Variants in CDC42 observed in about 807,000 individuals in gnomAD.
CDC42 encodes cell division control protein 42 homolog.
CDC42 carries 1 observed loss-of-function variant against 20.8 expected under a neutral mutation model. The observed-to-expected ratio is 0.05, with a 90% confidence interval of 0.02 to 0.23. The LOEUF (loss-of-function observed/expected upper bound fraction) is 0.23. Among genes scored for constraint, CDC42 ranks in the 10% least tolerant of loss-of-function variants. CDC42 has a pLI of 1.00. For missense variants in CDC42, 49 were observed against 227.9 expected (o/e 0.21, Z 5.05); for synonymous variants, 72 against 84.8 (o/e 0.85, Z 0.83).
chr1:22,060,134 GAGTTCA>G (rs1478019012), intron 1 of CDC42, among the ~76,000 whole-genome samples: 1 of 151,938 alleles, frequency 6.6e-6, no homozygotes, highest in East Asian at 1.9e-4. Context: ...CTGAGGGCTG[GAGTTCA>G]AGACCAACCT....
chr1:22,080,018 AT>A (rs976217748), intron 2 of CDC42, among the ~76,000 whole-genome samples: 12 of 152,190 alleles, frequency 7.9e-5, no homozygotes, highest in African/African-American at 2.9e-4. Context: ...TGAAGTTAAT[AT>A]GGAAATGGAT....
chr1:22,082,300 T>A (rs1259568886), intron 3 of CDC42, among the ~76,000 whole-genome samples: 1 of 152,248 alleles, frequency 6.6e-6, no homozygotes, highest in Non-Finnish European at 1.5e-5. Flanking sequence ...AATTTATGTG[T>A]CTAATAACAT....
chr1:22,060,187 C>G (rs990980237), intron 1 of CDC42, among the ~76,000 whole-genome samples: 1 of 151,884 alleles, frequency 6.6e-6, no homozygotes, highest in Non-Finnish European at 1.5e-5. Flanking sequence ...ACTAAAAATA[C>G]AAAAATTAGC....
chr1:22,097,759 A>G lies in CDC42; in HGVS notation c.*6242A>G, dbSNP rs1429252578. 1.3e-5 allele frequency among the ~76,000 whole-genome samples: 2 copies of G among 152,242 alleles called. No individual in the cohort carries two copies. Among genetic ancestry groups the G allele is most frequent in the East Asian group, 1.9e-4 (1 of 5,204 alleles). ...GTGAGTCTTTAAAGCCCTACGTTATAGAAAAATGTGAAGTATGTCTAATAA... is the reference window on the plus strand; with the variant it reads ...GTGAGTCTTTAAAGCCCTACGTTATGGAAAAATGTGAAGTATGTCTAATAA... On this transcript the variant is annotated 3_prime_UTR_variant, in exon 6 of 6. Transcript: ENST00000656825.
intron 2 of CDC42, among the ~76,000 whole-genome samples, chr1:22,080,687 G>A (rs565990366): frequency 6.6e-6 from 1 of 152,124 alleles, no homozygotes; most frequent in Non-Finnish European, 1.5e-5. Context: ...TCCAGAATTT[G>A]TGTTGGGTCT....
chr1:22,069,298 C>T (rs781384793), intron 1 of CDC42, among the ~76,000 whole-genome samples: 1 of 150,330 alleles, frequency 6.7e-6, no homozygotes, highest in Non-Finnish European at 1.5e-5. Flanking sequence ...GCCTCACCCT[C>T]CCAAATAGCT....
Position 22,093,502 on chromosome 1 carries a change from G to C in CDC42, c.*1985G>C, listed in dbSNP as rs1557910412. On this transcript the variant is annotated 3_prime_UTR_variant, in exon 6 of 6. Transcript: ENST00000656825. ...GCAAGAAAGGTTTATTTACCTTTAGGACATTATACTGATCTGCATGAGAAT... is the reference window on the plus strand; with the variant it reads ...GCAAGAAAGGTTTATTTACCTTTAGCACATTATACTGATCTGCATGAGAAT... Among the ~76,000 whole-genome samples, 1 of 152,088 alleles carries C rather than the reference G, an allele frequency of 6.6e-6. No homozygotes were observed. Among genetic ancestry groups the C allele is most frequent in the Non-Finnish European group, 1.5e-5 (1 of 68,004 alleles).
rs1645749627 is a variant in CDC42 at position 22,095,384 on chromosome 1, C to T, written c.*3867C>T. On this transcript the variant is annotated 3_prime_UTR_variant, in exon 6 of 6. Transcript: ENST00000656825. The stretch of plus-strand genomic sequence containing the variant: ...TCCCGGGTTCACACCATTCTCCTGC[C>T]TCAGCCTCCCGAGTAGCCAGGACTA... Among the ~76,000 whole-genome samples, 1 of 152,094 alleles carries T rather than the reference C, an allele frequency of 6.6e-6. No homozygotes were observed. The highest frequency in any genetic ancestry group is 1.5e-5 in the Non-Finnish European group (1 of 68,020).
intron 1 of CDC42, among the ~76,000 whole-genome samples, chr1:22,060,366 A>G (rs16826279): frequency 0.13 from 20,060 of 152,046 alleles, 1,416 homozygotes; most frequent in Admixed American, 0.18. Context: ...GATTATTGCA[A>G]TTCATTACTC....
intron 5 of CDC42, among the ~76,000 whole-genome samples, chr1:22,088,599 A>G (rs1400332852): frequency 6.6e-6 from 1 of 152,194 alleles, no homozygotes; most frequent in African/African-American, 2.4e-5. Flanking sequence ...GTCTTAATAT[A>G]AACAGATGGT....
chr1:22,065,523 C>T (rs1456468860), intron 1 of CDC42, among the ~76,000 whole-genome samples: 1 of 152,114 alleles, frequency 6.6e-6, no homozygotes, highest in Non-Finnish European at 1.5e-5. Context: ...GCTGTTTCTG[C>T]AGATTTTAAT....
Position 22,100,998 on chromosome 1 carries a change from G to A in CDC42, c.*9481G>A, listed in dbSNP as rs1268740283. 1.3e-5 allele frequency: 2 copies of A among 152,196 alleles called. No homozygotes were observed. Among genetic ancestry groups the A allele is most frequent in the Non-Finnish European group, 2.9e-5 (2 of 68,036 alleles). The allele number at this position is 152,196 out of a possible 1,614,324, so 9.4% of individuals were successfully genotyped here. ...GGAATTATTGGTGTTAAGGAGTTAG[G>A]TCCATCTCTTGGCAGCTTGTGAAGG... On this transcript the variant is annotated 3_prime_UTR_variant, in exon 6 of 6. Coordinates refer to ENST00000656825, the MANE Select transcript of CDC42 (RefSeq NM_001791.4).
intron 1 of CDC42, chr1:22,074,073 TTTTC>T (rs1161745053): frequency 1.3e-5 from 2 of 152,188 alleles, no homozygotes; most frequent in African/African-American, 4.8e-5. Context: ...TAGCTTTTCT[TTTTC>T]TTTCTTCTTT....
intron 1 of CDC42, among the ~76,000 whole-genome samples, chr1:22,073,410 G>A (rs1332354842): frequency 1.3e-5 from 2 of 151,804 alleles, no homozygotes; most frequent in Admixed American, 1.3e-4. Context: ...ATGGTGGTGC[G>A]TGCCTGTAAT....
chr1:22,090,162 A>AC, intron 5 of CDC42: 5 of 1,375,448 alleles, frequency 3.6e-6, no homozygotes, highest in Non-Finnish European at 4.7e-6. Flanking sequence ...CCTTAGAGCA[A>AC]CCTCTGTATT....
chr1:22,058,274 C>T (rs1012866239), intron 1 of CDC42, among the ~76,000 whole-genome samples: 43 of 152,088 alleles, frequency 2.8e-4, no homozygotes, highest in African/African-American at 8.9e-4. Flanking sequence ...TCTCAAATTT[C>T]GGAAACAATG....
rs1372781702 is a variant in CDC42, at chr1:22,101,058, T to C, written c.*9541T>C. 6.6e-6 allele frequency: 1 copy of C among 152,284 alleles called. No individual in the cohort carries two copies. The highest frequency in any genetic ancestry group is 1.5e-5 in the Non-Finnish European group (1 of 68,064). 9.4% of individuals were successfully genotyped at this position (152,284 alleles called of 1,614,324 possible). A position where few individuals can be genotyped will look rare whatever the true frequency, so the allele number is the denominator to read the frequency against. On this transcript the variant is annotated 3_prime_UTR_variant, in exon 6 of 6. Transcript: ENST00000656825. The stretch of plus-strand genomic sequence containing the variant: ...CACCTGTGAATTCTTCACTGGCTTC[T>C]TGTAAGAATGACTTTACTGGAGGGT...
intron 1 of CDC42, among the ~76,000 whole-genome samples, chr1:22,055,048 G>A (rs1365773688): frequency 7.1e-6 from 1 of 141,596 alleles, no homozygotes; most frequent in Non-Finnish European, 1.5e-5. Flanking sequence ...CCGCCTCCCA[G>A]GTTCACACCA....
intron 1 of CDC42, chr1:22,064,100 T>C (rs1390586369): frequency 1.3e-5 from 2 of 152,152 alleles, no homozygotes; most frequent in Non-Finnish European, 1.5e-5. Context: ...ATTAACTGTT[T>C]TGATGATACA....
Sources: allele counts gnomAD v4.1 joint callset (sites outside exome capture counted in the v4.1 genomes callset), GRCh38; gene constraint gnomAD v4.1.1; transcripts MANE v1.5; gene names NCBI Gene and HGNC (gene_info 2026-07-23, HGNC 2026-07-21).